Variants in ANKS1B observed in about 807,000 individuals in gnomAD.
ANKS1B encodes ankyrin repeat and sterile alpha motif domain containing 1B.
In ANKS1B, 36 loss-of-function variants were observed where a neutral mutation model predicts 148.3. The ratio of observed to expected loss-of-function variants is 0.24; its 90% confidence interval spans 0.19 to 0.32. The LOEUF (loss-of-function observed/expected upper bound fraction) is 0.32. Ranked by LOEUF, ANKS1B falls within the 10% of genes least tolerant of loss-of-function variation. The pLI, the probability that ANKS1B is intolerant of heterozygous loss-of-function variation, is 1.00. For synonymous variants in ANKS1B, 542 were observed against 560.8 expected (o/e 0.97, Z 0.47); for missense variants, 1,157 against 1,542.6 (o/e 0.75, Z 4.19).
intron 12 of ANKS1B, among the ~76,000 whole-genome samples, chr12:99,296,613 T>C (rs959943834): frequency 4.6e-5 from 7 of 152,164 alleles, no homozygotes; most frequent in African/African-American, 1.4e-4. Context: ...TTTTGTTGAC[T>C]TAACAGCATT....
chr12:98,739,642 T>C (rs2097788674), downstream of ANKS1B, among the ~76,000 whole-genome samples: 1 of 151,968 alleles, frequency 6.6e-6, no homozygotes, highest in African/African-American at 2.4e-5. Context: ...CTTGATTGCA[T>C]CTCCCCCCTT....
intron 12 of ANKS1B, among the ~76,000 whole-genome samples, chr12:99,329,158 G>A (rs533658611): frequency 3.3e-5 from 5 of 151,866 alleles, no homozygotes; most frequent in Non-Finnish European, 7.4e-5. Context: ...TTTGGGGTAT[G>A]AGGACAGAAA....
At chr12:99,360,448 G>A (rs1014701450) in intron 12 of ANKS1B, among the ~76,000 whole-genome samples, 1 of 152,022 alleles carries the variant, frequency 6.6e-6, no homozygotes, top group Admixed American at 6.6e-5. Context: ...TGCATGATTT[G>A]TTCACAACTA....
intron 12 of ANKS1B, among the ~76,000 whole-genome samples, chr12:99,325,924 C>T (rs962984608): frequency 2.6e-5 from 4 of 152,042 alleles, no homozygotes; most frequent in South Asian, 2.1e-4. Flanking sequence ...CACAATTCAG[C>T]ATGGCTCGGA....
chr12:99,879,912 G>A (rs10860533), intron 1 of ANKS1B, among the ~76,000 whole-genome samples: 4 of 151,940 alleles, frequency 2.6e-5, no homozygotes, highest in Non-Finnish European at 1.5e-5. Flanking sequence ...GATCATGCAC[G>A]ACCAGATTAG....
chr12:99,303,977 G>A (rs1043750755), intron 12 of ANKS1B, among the ~76,000 whole-genome samples: 9 of 152,034 alleles, frequency 5.9e-5, no homozygotes, highest in African/African-American at 9.7e-5. Context: ...TTTTATGGCC[G>A]AGCAGTATTC....
chr12:98,847,819 C>G (rs169297), intron 17 of ANKS1B, among the ~76,000 whole-genome samples: 99,812 of 151,930 alleles, frequency 0.66, 33,632 homozygotes, highest in South Asian at 0.83. Context: ...TGGTCTCAAA[C>G]TCCTGACCTT....
At chr12:99,198,929 C>CT (rs1047900355) in intron 14 of ANKS1B, among the ~76,000 whole-genome samples, 6 of 152,250 alleles carry the variant, frequency 3.9e-5, no homozygotes, top group Admixed American at 2.6e-4. Context: ...TTCCACCTTA[C>CT]TTTTTTGAAT....
chr12:99,467,269 A>C (rs1426804382), intron 10 of ANKS1B, among the ~76,000 whole-genome samples: 2 of 152,198 alleles, frequency 1.3e-5, no homozygotes, highest in Non-Finnish European at 1.5e-5. Flanking sequence ...TCAATAAATT[A>C]GGTATTGATG....
Position 99,504,459 on chromosome 12 carries a change from T to G in ANKS1B, c.1438+17A>C, listed in dbSNP as rs778705279. On this transcript the variant is annotated intron_variant, in intron 10 of 26. Coordinates refer to ENST00000683438, the MANE Select transcript of ANKS1B (RefSeq NM_001352186.2). ...CAAGTAAATTGAATCAGGCCAATTG[T>G]GAGTAAGAGATATTACCAGTTCTTG... 7 of 1,606,568 alleles carry G rather than the reference T, an allele frequency of 4.4e-6. No individual in the cohort carries two copies. Among genetic ancestry groups the G allele is most frequent in the Non-Finnish European group, 5.1e-6 (6 of 1,177,940 alleles).
chr12:99,380,879 T>C (rs73151147), intron 12 of ANKS1B, among the ~76,000 whole-genome samples: 19,134 of 151,764 alleles, frequency 0.13, 1,289 homozygotes, highest in African/African-American at 0.18. Flanking sequence ...GAGATTCCAG[T>C]AGAAATCATA....
At chr12:99,219,545 A>C (rs943946981) in intron 14 of ANKS1B, among the ~76,000 whole-genome samples, 3 of 152,194 alleles carry the variant, frequency 2.0e-5, no homozygotes, top group Non-Finnish European at 4.4e-5. Flanking sequence ...GAGAAGTTAA[A>C]TATTCCTCTC....
At chr12:98,983,003 G>T (rs1053005174) in intron 17 of ANKS1B, among the ~76,000 whole-genome samples, 2 of 152,206 alleles carry the variant, frequency 1.3e-5, no homozygotes, top group African/African-American at 2.4e-5. Context: ...CCAACTGTGT[G>T]TACAAATGTT....
At chr12:99,252,025 T>C (rs1476753134) in intron 12 of ANKS1B, among the ~76,000 whole-genome samples, 2 of 152,150 alleles carry the variant, frequency 1.3e-5, no homozygotes, top group Non-Finnish European at 2.9e-5. Context: ...TGATGGTATG[T>C]GCTGTGAAAA....
intron 8 of ANKS1B, among the ~76,000 whole-genome samples, chr12:99,720,499 AC>A (rs1427585454): frequency 6.6e-6 from 1 of 152,138 alleles, no homozygotes; most frequent in Admixed American, 6.5e-5. Flanking sequence ...ATTCAGTTAA[AC>A]CTTTATTTCC....
intron 2 of ANKS1B, among the ~76,000 whole-genome samples, chr12:99,814,519 T>C (rs886095299): frequency 2.6e-5 from 4 of 151,770 alleles, no homozygotes; most frequent in African/African-American, 9.7e-5. Context: ...CCCATTTCCC[T>C]GCCAAGCAAG....
intron 9 of ANKS1B, among the ~76,000 whole-genome samples, chr12:99,590,428 CTG>C (rs2097691317): frequency 6.6e-6 from 1 of 152,090 alleles, no homozygotes; most frequent in Admixed American, 6.6e-5. Context: ...TCTTAATTAT[CTG>C]TCTCTATTAT....
intron 9 of ANKS1B, among the ~76,000 whole-genome samples, chr12:99,552,206 T>C (rs12312241): frequency 0.013 from 2,010 of 152,252 alleles, 48 homozygotes; most frequent in African/African-American, 0.046. Flanking sequence ...TGATCACAAT[T>C]ATAATGAAAT....
intron 17 of ANKS1B, among the ~76,000 whole-genome samples, chr12:98,856,354 T>G (rs533722759): frequency 6.6e-6 from 1 of 152,286 alleles, no homozygotes; most frequent in East Asian, 1.9e-4. Context: ...TGGCTTTGAT[T>G]TGAGGCAGAC....
Sources: allele counts gnomAD v4.1 joint callset (sites outside exome capture counted in the v4.1 genomes callset), GRCh38; gene constraint gnomAD v4.1.1; transcripts MANE v1.5; gene names NCBI Gene and HGNC (gene_info 2026-07-23, HGNC 2026-07-21).